The following ARSB variants were observed in gnomAD, a reference collection of about 807,000 sequenced individuals.
ARSB encodes N-acetylgalactosamine-4-sulfatase.
A neutral mutation model predicts 50.9 loss-of-function variants in ARSB; 41 were observed. The observed-to-expected ratio is 0.81, with a 90% CI of 0.63 to 1.04. The LOEUF is 1.04. Among genes scored for constraint, ARSB ranks in the 50% least tolerant of loss-of-function variants. ARSB has a pLI of 0.00. For missense variants in ARSB, 672 were observed against 693.3 expected (o/e 0.97, Z 0.35); for synonymous variants, 269 against 284.8 (o/e 0.94, Z 0.56).
chr5:78,813,870 C>A (rs1743900667), intron 6 of ARSB, among the ~76,000 whole-genome samples: 1 of 152,152 alleles, frequency 6.6e-6, no homozygotes, highest in Non-Finnish European at 1.5e-5. Context: ...AGAGGGTCAT[C>A]TTCATTTTCT....
intron 5 of ARSB, among the ~76,000 whole-genome samples, chr5:78,843,566 A>T (rs1745321245): frequency 6.6e-6 from 1 of 152,242 alleles, no homozygotes. Context: ...GTATAATTTT[A>T]AAACCATACA....
chr5:78,914,217 G>A (rs146183494), intron 4 of ARSB, among the ~76,000 whole-genome samples: 2 of 151,984 alleles, frequency 1.3e-5, no homozygotes, highest in South Asian at 4.2e-4. Context: ...TTCCTGCCTT[G>A]GCCTCCCAAA....
chr5:78,873,558 G>C (rs546614586), intron 5 of ARSB, among the ~76,000 whole-genome samples: 10 of 133,362 alleles, frequency 7.5e-5, no homozygotes, highest in East Asian at 2.2e-4. Context: ...TGCAGTGGCG[G>C]GATCTCGGCT....
chr5:78,795,063 A>T (rs938377782), intron 6 of ARSB, among the ~76,000 whole-genome samples: 1 of 152,248 alleles, frequency 6.6e-6, no homozygotes, highest in Non-Finnish European at 1.5e-5. Flanking sequence ...GAGATAGTAC[A>T]TTGAAAGCCC....
intron 2 of ARSB, among the ~76,000 whole-genome samples, chr5:78,967,729 G>C (rs1580140921): frequency 6.6e-6 from 1 of 150,440 alleles, no homozygotes; most frequent in South Asian, 2.1e-4. Context: ...AGACAGCCTA[G>C]AGCCATGCAA....
intron 4 of ARSB, among the ~76,000 whole-genome samples, chr5:78,915,645 A>C (rs1441131049): frequency 1.3e-5 from 2 of 152,224 alleles, no homozygotes; most frequent in Admixed American, 6.5e-5. Flanking sequence ...TCCTTGTCCA[A>C]AACACTTAGG....
At chr5:78,941,439 C>A (rs990242884) in intron 4 of ARSB, among the ~76,000 whole-genome samples, 275 of 152,104 alleles carry the variant, frequency 1.8e-3, no homozygotes, top group Admixed American at 4.6e-3. Context: ...AGCTCTTATT[C>A]TTTTGAGATA....
intron 5 of ARSB, among the ~76,000 whole-genome samples, chr5:78,874,987 C>A (rs977971183): frequency 6.6e-6 from 1 of 152,066 alleles, no homozygotes; most frequent in Non-Finnish European, 1.5e-5. Context: ...GCAGTACATG[C>A]CTGTAGTGCC....
At chr5:78,924,197 T>C (rs1749948401) in intron 4 of ARSB, among the ~76,000 whole-genome samples, 1 of 152,236 alleles carries the variant, frequency 6.6e-6, no homozygotes, top group African/African-American at 2.4e-5. Context: ...CTAGGTGCTT[T>C]ATGTGAATTC....
chr5:78,827,737 T>C (rs1311201497), intron 6 of ARSB, among the ~76,000 whole-genome samples: 4 of 152,192 alleles, frequency 2.6e-5, no homozygotes, highest in African/African-American at 9.7e-5. Context: ...TAAACCAGCC[T>C]TTGTTTGGAT....
chr5:78,867,537 G>C lies in ARSB; in HGVS notation c.1142+18047C>G, dbSNP rs1007083124. On this transcript the variant is annotated intron_variant, in intron 5 of 7. Transcript: ENST00000264914. ...TGACCCCCGAGCAGCCTAACTGGGA[G>C]GCACCCCCCAGCAGGGGCACACTGA... is the stretch of plus-strand genomic sequence containing the variant. 7.8e-4 allele frequency among the ~76,000 whole-genome samples: 119 copies of C among 152,204 alleles called. 1 individual carries two copies. The highest frequency in any genetic ancestry group is 1.5e-4 in the Non-Finnish European group (10 of 67,964).
At chr5:78,956,105 A>G (rs1403320237) in intron 3 of ARSB, among the ~76,000 whole-genome samples, 2 of 152,236 alleles carry the variant, frequency 1.3e-5, no homozygotes, top group Admixed American at 1.3e-4. Context: ...CATAATAGCC[A>G]AAGAGTAGAA....
chr5:78,955,200 GGCAAT>G (rs1561524582), intron 4 of ARSB, 90 bp downstream of exon 4: 1 of 1,218,564 alleles, frequency 8.2e-7, no homozygotes, highest in Non-Finnish European at 1.2e-6. Flanking sequence ...ATTTTAATAA[GGCAAT>G]GCTAACCGCT....
rs60622885 is a variant in ARSB, at chr5:78,905,344, G to GTTTTTTTTTTTTTTTTTTTTTTTTTTTT, written c.899-19518_899-19517insAAAAAAAAAAAAAAAAAAAAAAAAAAAA. Among the ~76,000 whole-genome samples, 5 of 130,542 alleles carry GTTTTTTTTTTTTTTTTTTTTTTTTTTTT rather than the reference G, an allele frequency of 3.8e-5. 1 individual carries two copies. The highest frequency in any genetic ancestry group is 2.8e-5 in the African/African-American group (1 of 35,918). The allele number at this position is 130,542 out of a possible 152,430, so 85.6% of individuals were successfully genotyped here. On this transcript the variant is annotated intron_variant, in intron 4 of 7. Coordinates refer to ENST00000264914, the MANE Select transcript of ARSB (RefSeq NM_000046.5). ...CCTTGAGTACTGCTCGTATTTTCCTGTTTTTTTTTTTTTGTATAATGAGTA... is the reference window on the plus strand; with the variant it reads ...CCTTGAGTACTGCTCGTATTTTCCTGTTTTTTTTTTTTTTTTTTTTTTTTTTTTTTTTTTTTTTTTTGTATAATGAGTA...
At chr5:78,841,107 T>C (rs1745177606) in intron 5 of ARSB, among the ~76,000 whole-genome samples, 1 of 146,922 alleles carries the variant, frequency 6.8e-6, no homozygotes, top group Non-Finnish European at 1.5e-5. Context: ...GAGACAAGCT[T>C]AGGCAACATA....
At position 78,805,933 on chromosome 5, in the gene ARSB, G is replaced by C. The variant is rs569835739; in HGVS notation, c.1214-23959C>G. On this transcript the variant is annotated intron_variant, in intron 6 of 7. Transcript: ENST00000264914. ...GGCACTGTGAGCTTGGGCTCCCAGA[G>C]TCCCTGCCTTGTTGCTTTCTAGCTG... is the stretch of plus-strand genomic sequence containing the variant. Among the ~76,000 whole-genome samples, 6 of 152,352 alleles carry C rather than the reference G, an allele frequency of 3.9e-5. No individual in the cohort carries two copies. The South Asian group carries it at 1.0e-3, about 26-fold the overall frequency.
chr5:78,866,121 T>C (rs111810163), intron 5 of ARSB, among the ~76,000 whole-genome samples: 7 of 152,336 alleles, frequency 4.6e-5, no homozygotes, highest in African/African-American at 1.4e-4. Context: ...TTTACTGTAT[T>C]ACTCTGTTTT....
At chr5:78,898,962 T>C (rs1455601926) in intron 4 of ARSB, among the ~76,000 whole-genome samples, 1 of 152,262 alleles carries the variant, frequency 6.6e-6, no homozygotes, top group African/African-American at 2.4e-5. Context: ...ACTGAAGAAC[T>C]GCCTTTAGTA....
At chr5:78,851,684 T>A (rs1464111511) in intron 5 of ARSB, among the ~76,000 whole-genome samples, 1 of 152,206 alleles carries the variant, frequency 6.6e-6, no homozygotes, top group Admixed American at 6.5e-5. Flanking sequence ...ATTATTATTG[T>A]GTGGGAGTCT....
Sources: gnomAD v4.1 joint callset for allele counts (sites outside exome capture counted in the v4.1 genomes callset) on GRCh38, gnomAD v4.1.1 for gene constraint, MANE v1.5 for transcripts, NCBI Gene and HGNC (gene_info 2026-07-23, HGNC 2026-07-21) for gene names.